KLHL15: variants seen among roughly 807,000 people sequenced by gnomAD.
The protein encoded by KLHL15 is kelch like family member 15.
A neutral mutation model predicts 29.3 loss-of-function variants in KLHL15; 1 was observed. The ratio of observed to expected loss-of-function variants is 0.03; its 90% CI spans 0.01 to 0.16. KLHL15 has a LOEUF of 0.16. KLHL15 is among the 10% of genes least tolerant of loss of function. The pLI, the probability that KLHL15 is intolerant of heterozygous loss-of-function variation, is 1.00. For missense variants in KLHL15, 215 were observed against 478.5 expected, an observed-to-expected ratio of 0.45 and a Z score of 5.14; for synonymous variants, 212 against 184.5, an observed-to-expected ratio of 1.15 and a Z score of -1.21.
chrX:24,015,530 A>T (rs914093085), intron 2 of KLHL15, among the ~76,000 whole-genome samples: 1 of 112,599 alleles, frequency 8.9e-6, no homozygotes, highest in African/African-American at 3.2e-5. Context: ...GCGTGTATTA[A>T]GTAGAAAACA....
chrX:23,995,381 T>C (rs1186613512), intron 3 of KLHL15, among the ~76,000 whole-genome samples: 1 of 81,301 alleles, frequency 1.2e-5, no homozygotes, highest in Non-Finnish European at 2.2e-5. Context: ...CACTCCAGCC[T>C]GGGCAACAGA....
chrX:23,987,916 T>G lies in KLHL15; in HGVS notation c.*5A>C, dbSNP rs532904531. ...TTGCCTCTTTTTTTAGGGAGGAGGA[T>G]GTCATTAGTTGCAACGCCTGACCTC... On this transcript the variant is annotated 3_prime_UTR_variant, in exon 4 of 4. Coordinates refer to ENST00000328046, the MANE Select transcript of KLHL15 (RefSeq NM_030624.3). 3.4e-6 allele frequency: 4 copies of G among 1,181,646 alleles called. No homozygotes were observed. In the African/African-American group the frequency reaches 7.1e-5, roughly 21 times the overall value.
intron 3 of KLHL15, among the ~76,000 whole-genome samples, chrX:23,993,323 G>C (rs368498057): frequency 1.4e-4 from 16 of 111,171 alleles, no homozygotes; most frequent in Admixed American, 1.2e-3. Context: ...TTAGCCTGAG[G>C]TAGATCCTGT....
chrX:23,987,856 TTTAA>T lies in KLHL15; in HGVS notation c.*61_*64del. 9.8e-7 allele frequency: 1 copy of T among 1,021,784 alleles called. No homozygotes were observed. The highest frequency in any genetic ancestry group is 1.3e-6 in the Non-Finnish European group (1 of 754,480). The allele number at this position is 1,021,784 out of a possible 1,213,427, so 84.2% of individuals were successfully genotyped here. A position where few individuals can be genotyped will look rare whatever the true frequency, so the allele number is the denominator to read the frequency against. On this transcript the variant is annotated 3_prime_UTR_variant, in exon 4 of 4. Coordinates refer to ENST00000328046, the MANE Select transcript of KLHL15 (RefSeq NM_030624.3). ...ACTGGTGAGGTTTTTCTTTATATGT[TTTAA>T]TTAATTACTCTGTGCAAACAAATAC... is the stretch of plus-strand genomic sequence containing the variant.
At chrX:24,007,524 T>C (rs1462334386) in intron 2 of KLHL15, among the ~76,000 whole-genome samples, 1 of 98,322 alleles carries the variant, frequency 1.0e-5, no homozygotes, top group Non-Finnish European at 2.0e-5. Flanking sequence ...TATATATATA[T>C]ATATATATAT....
At chrX:23,996,835 T>A (rs1416010601) in intron 3 of KLHL15, among the ~76,000 whole-genome samples, 1 of 111,964 alleles carries the variant, frequency 8.9e-6, no homozygotes, top group African/African-American at 3.2e-5. Flanking sequence ...TTGATTTACG[T>A]AAAACAAAAT....
intron 2 of KLHL15, among the ~76,000 whole-genome samples, chrX:24,021,902 C>T (rs1220932116): frequency 9.0e-6 from 1 of 111,564 alleles, no homozygotes; most frequent in Non-Finnish European, 1.9e-5. Context: ...AATCCACCTC[C>T]TCTAAGCTAA....
At chrX:23,991,126 GCA>G (rs1929074970) in intron 3 of KLHL15, among the ~76,000 whole-genome samples, 2 of 109,212 alleles carry the variant, frequency 1.8e-5, no homozygotes, top group Non-Finnish European at 3.8e-5. Flanking sequence ...GCTGAGGCGG[GCA>G]GATTACCTGA....
At chrX:24,022,206 G>C (rs763043972) in intron 2 of KLHL15, among the ~76,000 whole-genome samples, 1 of 108,367 alleles carries the variant, frequency 9.2e-6, no homozygotes, top group South Asian at 4.1e-4. Context: ...ATGCTGACGC[G>C]CATCTGTAAT....
chrX:23,994,758 A>C (rs1488732036), intron 3 of KLHL15, among the ~76,000 whole-genome samples: 1 of 112,209 alleles, frequency 8.9e-6, no homozygotes, highest in Non-Finnish European at 1.9e-5. Flanking sequence ...AAAACTGTAT[A>C]ATGAAAAGCA....
At position 24,025,509 on chromosome X, in the gene KLHL15, C is replaced by G. The variant is rs868391225; in HGVS notation, c.-209-451G>C. 1.0e-3 allele frequency among the ~76,000 whole-genome samples: 109 copies of G among 104,778 alleles called. 1 individual carries two copies. The highest frequency in any genetic ancestry group is 3.5e-3 in the African/African-American group (102 of 29,065). The allele number at this position is 104,778 out of a possible 115,157, so 91.0% of individuals were successfully genotyped here. A position where few individuals can be genotyped will look rare whatever the true frequency, so the allele number is the denominator to read the frequency against. On this transcript the variant is annotated intron_variant, in intron 1 of 3. Coordinates refer to ENST00000328046, the MANE Select transcript of KLHL15 (RefSeq NM_030624.3). ...GTCGTCTTGACGCGGAAGGCCGCCA[C>G]GCTGGGAGAGAGGGCGGAGGGTGGG...
chrX:23,995,310 G>A (rs1929163672), intron 3 of KLHL15, among the ~76,000 whole-genome samples: 1 of 107,677 alleles, frequency 9.3e-6, no homozygotes, highest in Non-Finnish European at 1.9e-5. Flanking sequence ...GGGAGGCTGA[G>A]GCAGGAGAAT....
intron 2 of KLHL15, among the ~76,000 whole-genome samples, 178 bp downstream of exon 2, chrX:24,024,679 C>T (rs1045570551): frequency 1.8e-5 from 2 of 113,038 alleles, no homozygotes; most frequent in African/African-American, 6.4e-5. Flanking sequence ...CTCGCTCTCT[C>T]TGGAAAAAAA....
intron 2 of KLHL15, among the ~76,000 whole-genome samples, chrX:24,010,594 G>C (rs1353322304): frequency 1.8e-5 from 2 of 112,058 alleles, no homozygotes; most frequent in Non-Finnish European, 3.8e-5. Flanking sequence ...GGAATCATAT[G>C]TTGCAGCTAT....
intron 2 of KLHL15, 83 bp downstream of exon 2, chrX:24,024,774 G>A (rs1602021849): frequency 6.7e-6 from 2 of 297,395 alleles, no homozygotes; most frequent in South Asian, 4.0e-4. Flanking sequence ...TCCGTGCAGA[G>A]AGGGCCGGCG....
In KLHL15 at chrX:24,001,900, A is replaced by G. The variant is rs781537230; in HGVS notation, c.705+4089T>C. 4.0e-4 allele frequency among the ~76,000 whole-genome samples: 43 copies of G among 107,387 alleles called. 1 individual carries two copies. In the East Asian group the frequency reaches 6.5e-3, roughly 16 times the overall value. 93.3% of individuals were successfully genotyped at this position (107,387 alleles called of 115,157 possible). A position where few individuals can be genotyped will look rare whatever the true frequency, so the allele number is the denominator to read the frequency against. ...TGTAATCCCAGCACTTTGGGAGGCCAAGGCGGGTGGATCACAAGGTCAGGA... is the reference window on the plus strand; with the variant it reads ...TGTAATCCCAGCACTTTGGGAGGCCGAGGCGGGTGGATCACAAGGTCAGGA... On this transcript the variant is annotated intron_variant, in intron 3 of 3. Transcript: ENST00000328046.
At chrX:24,004,951 A>G (rs988228608) in intron 3 of KLHL15, among the ~76,000 whole-genome samples, 5 of 111,500 alleles carry the variant, frequency 4.5e-5, no homozygotes, top group African/African-American at 1.6e-4. Context: ...GCTGTTATTC[A>G]AAGGCGCAAA....
intron 3 of KLHL15, among the ~76,000 whole-genome samples, chrX:23,997,908 A>G (rs5925633): frequency 0.45 from 48,666 of 107,827 alleles, 9,682 homozygotes; most frequent in South Asian, 0.78. Flanking sequence ...AAGACAACAC[A>G]GCAAAACCCC....
At chrX:23,993,258 T>C (rs1929121762) in intron 3 of KLHL15, among the ~76,000 whole-genome samples, 1 of 108,453 alleles carries the variant, frequency 9.2e-6, no homozygotes, top group African/African-American at 3.5e-5. Flanking sequence ...CTGTGTGGAA[T>C]TGCGATGAAT....
Sources: gnomAD v4.1 joint callset for allele counts (sites outside exome capture counted in the v4.1 genomes callset) on GRCh38, gnomAD v4.1.1 for gene constraint, MANE v1.5 for transcripts, NCBI Gene and HGNC (gene_info 2026-07-23, HGNC 2026-07-21) for gene names.